The following CBLN2 variants were observed in gnomAD, a reference collection of about 807,000 sequenced individuals.
The protein encoded by CBLN2 is cerebellin-2.
In CBLN2, 7 loss-of-function variants were observed where a neutral mutation model predicts 15.0. That is an observed-to-expected ratio of 0.47 (90% CI 0.27 to 0.88). CBLN2 has a LOEUF of 0.88. Among genes scored for constraint, CBLN2 ranks in the 40% least tolerant of loss-of-function variants. The probability of loss-of-function intolerance (pLI) is 0.14; values close to 1 mark genes in which losing one functional copy is unlikely to be tolerated. For missense variants in CBLN2, 242 were observed against 304.5 expected (o/e 0.79, Z 1.53); for synonymous variants, 149 against 135.2 (o/e 1.10, Z -0.71).
At chr18:72,549,578 C>A (rs889800467) in intron 1 of CBLN2, among the ~76,000 whole-genome samples, 6 of 152,162 alleles carry the variant, frequency 3.9e-5, no homozygotes, top group African/African-American at 9.7e-5. Flanking sequence ...TCATTAGCAT[C>A]TGGTGTTTTG....
chr18:72,580,075 CT>C (rs1192089892), intron 1 of CBLN2, among the ~76,000 whole-genome samples: 1 of 148,548 alleles, frequency 6.7e-6, no homozygotes. Flanking sequence ...AGTGCAACTA[CT>C]TTTTTCCAAA....
In CBLN2 at chr18:72,621,531, T is replaced by C. The variant is rs367950288; in HGVS notation, c.15+16794A>G. 7.1e-4 allele frequency among the ~76,000 whole-genome samples: 108 copies of C among 152,336 alleles called. 1 individual carries two copies. Among genetic ancestry groups the C allele is most frequent in the African/African-American group, 2.5e-3 (104 of 41,582 alleles). Reference sequence around the variant, plus strand: ...TTTGGATTGACTTTATTACCTTGTGTTGTAAGCAACAAAAACAACAAATTT... The same window carrying C: ...TTTGGATTGACTTTATTACCTTGTGCTGTAAGCAACAAAAACAACAAATTT... On this transcript the variant is annotated intron_variant, in intron 1 of 2. Transcript: ENST00000581073.
At chr18:72,604,519 A>ACTTGAGTG (rs1487306123) in intron 1 of CBLN2, among the ~76,000 whole-genome samples, 2 of 152,180 alleles carry the variant, frequency 1.3e-5, no homozygotes, top group African/African-American at 4.8e-5. Context: ...TGTTGCCATG[A>ACTTGAGTG]CTTGAGTGTT....
intron 1 of CBLN2, among the ~76,000 whole-genome samples, chr18:72,608,344 C>G (rs777424553): frequency 1.3e-5 from 2 of 152,098 alleles, no homozygotes; most frequent in African/African-American, 4.8e-5. Flanking sequence ...TTTCCCTCCC[C>G]GCTCTGTTCT....
chr18:72,613,491 T>G (rs2069637176), intron 1 of CBLN2, among the ~76,000 whole-genome samples: 1 of 91,916 alleles, frequency 1.1e-5, no homozygotes, highest in African/African-American at 2.6e-5. Context: ...CTTACACACT[T>G]TAGTTGAAAG....
intron 1 of CBLN2, among the ~76,000 whole-genome samples, chr18:72,565,496 T>G (rs2069288746): frequency 6.6e-6 from 1 of 152,134 alleles, no homozygotes; most frequent in African/African-American, 2.4e-5. Context: ...TGTAAATAAA[T>G]GAAAATTATA....
At chr18:72,604,496 A>C (rs568679178) in intron 1 of CBLN2, among the ~76,000 whole-genome samples, 2 of 152,320 alleles carry the variant, frequency 1.3e-5, no homozygotes, top group Admixed American at 1.3e-4. Flanking sequence ...CAATTTATGA[A>C]ACAGTCATAT....
chr18:72,588,176 C>T (rs2069455766), intron 1 of CBLN2, among the ~76,000 whole-genome samples: 1 of 152,100 alleles, frequency 6.6e-6, no homozygotes, highest in African/African-American at 2.4e-5. Flanking sequence ...CTTTCCAGGG[C>T]GTCTGTGATA....
intron 1 of CBLN2, among the ~76,000 whole-genome samples, chr18:72,599,156 T>G (rs2069531915): frequency 6.6e-6 from 1 of 152,170 alleles, no homozygotes; most frequent in Non-Finnish European, 1.5e-5. Context: ...CACTTTTAAT[T>G]TTTTTAAACT....
At chr18:72,560,774 C>T (rs369029974) in intron 1 of CBLN2, among the ~76,000 whole-genome samples, 2 of 152,136 alleles carry the variant, frequency 1.3e-5, no homozygotes, top group East Asian at 1.9e-4. Context: ...TTTGGGAGGC[C>T]GAGGTGGGCG....
intron 1 of CBLN2, among the ~76,000 whole-genome samples, chr18:72,587,831 A>C (rs2069453839): frequency 6.6e-6 from 1 of 152,204 alleles, no homozygotes; most frequent in Admixed American, 6.5e-5. Context: ...TCTGTATTAT[A>C]TCCAGTATAC....
At chr18:72,627,773 G>A (rs1382927292) in intron 1 of CBLN2, among the ~76,000 whole-genome samples, 1 of 152,194 alleles carries the variant, frequency 6.6e-6, no homozygotes, top group Non-Finnish European at 1.5e-5. Flanking sequence ...AAAATTTTAA[G>A]TAATTTCACT....
intron 1 of CBLN2, among the ~76,000 whole-genome samples, chr18:72,570,207 C>T (rs1463695115): frequency 6.6e-6 from 1 of 151,708 alleles, no homozygotes; most frequent in Non-Finnish European, 1.5e-5. Flanking sequence ...TTTAGAGACA[C>T]CTATTTAATA....
intron 1 of CBLN2, among the ~76,000 whole-genome samples, chr18:72,571,168 T>C (rs1389848533): frequency 6.6e-6 from 1 of 152,192 alleles, no homozygotes; most frequent in Non-Finnish European, 1.5e-5. Flanking sequence ...AAGCATAATT[T>C]CAAGGATGTT....
chr18:72,571,554 A>G (rs2069332224), intron 1 of CBLN2, among the ~76,000 whole-genome samples: 1 of 152,220 alleles, frequency 6.6e-6, no homozygotes, highest in African/African-American at 2.4e-5. Context: ...GAGTGGAATC[A>G]TTGGTGCTTT....
intron 1 of CBLN2, among the ~76,000 whole-genome samples, chr18:72,624,138 G>A (rs769491131): frequency 2.6e-5 from 4 of 151,780 alleles, no homozygotes; most frequent in Non-Finnish European, 4.4e-5. Flanking sequence ...GAGGACTAAC[G>A]CTGAATTTGT....
intron 1 of CBLN2, among the ~76,000 whole-genome samples, chr18:72,586,127 C>A (rs1415239503): frequency 6.6e-6 from 1 of 152,188 alleles, no homozygotes; most frequent in Non-Finnish European, 1.5e-5. Flanking sequence ...GGGGCTTCTG[C>A]CTGTTCCTGG....
chr18:72,609,313 ATTGTGGTAAAAT>A (rs1376387573), intron 1 of CBLN2, among the ~76,000 whole-genome samples: 6 of 152,102 alleles, frequency 3.9e-5, no homozygotes. Context: ...TAAAGATATA[ATTGTGGTAAAAT>A]GAGGTTATAG....
At chr18:72,560,734 T>C (rs1044355273) in intron 1 of CBLN2, among the ~76,000 whole-genome samples, 3 of 152,082 alleles carry the variant, frequency 2.0e-5, no homozygotes, top group East Asian at 1.9e-4. Context: ...ATAGGCCGGG[T>C]GTGGTGGCTC....
Sources: gnomAD v4.1 joint callset for allele counts (sites outside exome capture counted in the v4.1 genomes callset) on GRCh38, gnomAD v4.1.1 for gene constraint, MANE v1.5 for transcripts, NCBI Gene and HGNC (gene_info 2026-07-23, HGNC 2026-07-21) for gene names.